Variants in SFTPD observed in about 807,000 individuals in gnomAD.
The protein encoded by SFTPD is surfactant protein D.
SFTPD carries 18 observed loss-of-function variants against 34.6 expected under a neutral mutation model. The observed-to-expected ratio is 0.52, with a 90% CI of 0.36 to 0.77. SFTPD has a LOEUF of 0.77. SFTPD is among the 30% of genes least tolerant of loss of function. The pLI is 0.00. For missense variants in SFTPD, 433 were observed against 468.9 expected (o/e 0.92, Z 0.71); for synonymous variants, 155 against 180.9 (o/e 0.86, Z 1.15).
At chr10:79,954,935 T>G (rs2132509434) in intron 1 of SFTPD, among the ~76,000 whole-genome samples, 1 of 152,284 alleles carries the variant, frequency 6.6e-6, no homozygotes, top group South Asian at 2.1e-4. Context: ...AGCCATATGC[T>G]TCAAAGAAAA....
intron 1 of SFTPD, among the ~76,000 whole-genome samples, chr10:79,962,656 G>A (rs973234196): frequency 6.6e-6 from 1 of 151,994 alleles, no homozygotes; most frequent in Non-Finnish European, 1.5e-5. Flanking sequence ...ACTTGTCTAT[G>A]CTTCTACAGT....
intron 3 of SFTPD, 59 bp downstream of exon 3, chr10:79,942,704 A>G (rs952900030): frequency 4.9e-6 from 6 of 1,222,246 alleles, no homozygotes; most frequent in Non-Finnish European, 7.3e-6. Context: ...GCCCACTGGC[A>G]TATCCTTGCA....
intron 1 of SFTPD, among the ~76,000 whole-genome samples, chr10:79,977,762 T>C (rs1183988851): frequency 6.6e-6 from 1 of 152,274 alleles, no homozygotes; most frequent in East Asian, 1.9e-4. Flanking sequence ...TTTCCATTTA[T>C]ACATGAAGTA....
Position 79,937,823 on chromosome 10 carries a change from C to G in SFTPD, c.*29G>C. 6.6e-7 allele frequency: 1 copy of G among 1,517,072 alleles called. No individual in the cohort carries two copies. 94.0% of individuals were successfully genotyped at this position (1,517,072 alleles called of 1,614,324 possible). A position where few individuals can be genotyped will look rare whatever the true frequency, so the allele number is the denominator to read the frequency against. On this transcript the variant is annotated 3_prime_UTR_variant, in exon 8 of 8. Coordinates refer to ENST00000372292, the MANE Select transcript of SFTPD (RefSeq NM_003019.5). ...TTGACTTCTGGCCAAACTCCTGGGC[C>G]AAGCACTGCCCCACCCACCCCAGTT...
chr10:79,938,118 A>G lies in SFTPD; in HGVS notation c.862T>C (p.Leu288=), dbSNP rs757035040. ...TCAGCGGCAGAGCGTGGAGAGGCCAACTGTCCACCAGCCTGTGTGCACAGC... is the reference window on the plus strand; with the variant it reads ...TCAGCGGCAGAGCGTGGAGAGGCCAGCTGTCCACCAGCCTGTGTGCACAGC... ...QLLCTQAGGQ[L]ASPRSAAENA... is the part of the protein sequence containing the mutation. Residue 288 remains leucine, a synonymous_variant, in exon 8 of 8, where the codon TTG becomes CTG. Coordinates refer to ENST00000372292, the MANE Select transcript of SFTPD (RefSeq NM_003019.5). 1.9e-6 allele frequency: 3 copies of G among 1,614,106 alleles called. No homozygotes were observed. The highest frequency in any genetic ancestry group is 1.3e-5 in the African/African-American group (1 of 75,042).
In SFTPD at chr10:79,938,205, T is replaced by C. The variant is rs1195855955; in HGVS notation, c.775A>G (p.Ser259Gly). ...KKVELFPNGQ[S>G]VGEKIFKTAG... ...GTCTTGAAAATCTTCTCCCCGACAC[T>C]TTGGCCATTTGGGAAGAGCTCAACT... The change falls in exon 8 of 8, where the codon AGT becomes GGT. Residue 259 changes from serine (S) to glycine (G), a missense_variant. Transcript: ENST00000372292. 6.3e-7 allele frequency: 1 copy of C among 1,596,396 alleles called. No individual in the cohort carries two copies. Among genetic ancestry groups the C allele is most frequent in the Non-Finnish European group, 8.6e-7 (1 of 1,165,760 alleles).
intron 6 of SFTPD, among the ~76,000 whole-genome samples, 173 bp from the exon 7 acceptor site, chr10:79,940,961 G>A (rs1273374966): frequency 7.0e-6 from 1 of 143,730 alleles, no homozygotes; most frequent in African/African-American, 2.6e-5. Context: ...ATGTCTTATG[G>A]TTCTGCTATG....
chr10:79,939,296 T>C (rs1213519442), intron 7 of SFTPD, among the ~76,000 whole-genome samples: 3 of 152,248 alleles, frequency 2.0e-5, no homozygotes, highest in African/African-American at 4.8e-5. Flanking sequence ...CCTGGCTTTG[T>C]TGGGCTGCTC....
chr10:79,941,261 C>G, intron 6 of SFTPD, 137 bp downstream of exon 6: 1 of 767,374 alleles, frequency 1.3e-6, no homozygotes, highest in Admixed American at 2.5e-5. Flanking sequence ...AGCCTGTCCG[C>G]CTTTCCTGAG....
intron 7 of SFTPD, 144 bp from the exon 8 acceptor site, chr10:79,938,372 A>T (rs888833223): frequency 8.3e-6 from 6 of 722,226 alleles, no homozygotes; most frequent in Admixed American, 2.9e-5. Flanking sequence ...TGCAAGAGAG[A>T]TTGTTCCAGA....
At chr10:79,976,643 C>T (rs4387301) in intron 1 of SFTPD, among the ~76,000 whole-genome samples, 10,353 of 152,242 alleles carry the variant, frequency 0.068, 559 homozygotes, top group South Asian at 0.2. Context: ...AAGCTTTCCA[C>T]CTCCCCCTTC....
intron 1 of SFTPD, among the ~76,000 whole-genome samples, chr10:79,974,531 A>G (rs966171403): frequency 6.6e-6 from 1 of 152,022 alleles, no homozygotes; most frequent in Non-Finnish European, 1.5e-5. Flanking sequence ...GAGTGATGTG[A>G]TCATAGTTCT....
At chr10:79,954,037 T>C (rs769919641), upstream of SFTPD, among the ~76,000 whole-genome samples, 1 of 151,990 alleles carries the variant, frequency 6.6e-6, no homozygotes, top group Non-Finnish European at 1.5e-5. Flanking sequence ...ATTTCTTTGT[T>C]ATACTTCTAA....
At chr10:79,955,447 AC>A (rs1173550306) in intron 1 of SFTPD, among the ~76,000 whole-genome samples, 3 of 152,158 alleles carry the variant, frequency 2.0e-5, no homozygotes, top group African/African-American at 4.8e-5. Flanking sequence ...GTAAAACAAA[AC>A]AAAACAAACA....
chr10:79,958,702 T>C (rs1842754387), intron 1 of SFTPD, among the ~76,000 whole-genome samples: 1 of 152,086 alleles, frequency 6.6e-6, no homozygotes, highest in Non-Finnish European at 1.5e-5. Flanking sequence ...ATGGGAGACT[T>C]TAACACCCCA....
chr10:79,941,315 C>G, intron 6 of SFTPD, 83 bp downstream of exon 6: 4 of 1,173,500 alleles, frequency 3.4e-6, no homozygotes, highest in Non-Finnish European at 5.1e-6. Flanking sequence ...ATCCCAGAGC[C>G]CCTCCTCTGG....
intron 1 of SFTPD, among the ~76,000 whole-genome samples, chr10:79,965,422 C>T (rs1842797641): frequency 6.6e-6 from 1 of 151,988 alleles, no homozygotes; most frequent in African/African-American, 2.4e-5. Context: ...CTCTAGGTTC[C>T]CACATCGCCC....
At chr10:79,965,544 T>TTC (rs908057780) in intron 1 of SFTPD, among the ~76,000 whole-genome samples, 5 of 131,998 alleles carry the variant, frequency 3.8e-5, no homozygotes, top group Non-Finnish European at 7.8e-5. Flanking sequence ...TTTTTCTTTT[T>TTC]TTTTTTTTAA....
At chr10:79,971,360 A>G (rs1842833409) in intron 1 of SFTPD, 1 of 152,146 alleles carries the variant, frequency 6.6e-6, no homozygotes, top group African/African-American at 2.4e-5. Flanking sequence ...GTATGAGGGT[A>G]ACGTCATCAT....
Sources: allele counts gnomAD v4.1 joint callset (sites outside exome capture counted in the v4.1 genomes callset), GRCh38; gene constraint gnomAD v4.1.1; transcripts MANE v1.5; gene names NCBI Gene and HGNC (gene_info 2026-07-23, HGNC 2026-07-21).